CREB1: variants seen among roughly 807,000 people sequenced by gnomAD.
CREB1 encodes cyclic AMP-responsive element-binding protein 1.
In CREB1, 2 loss-of-function variants were observed where a neutral mutation model predicts 42.0. The observed-to-expected ratio is 0.05, with a 90% CI of 0.02 to 0.15. The LOEUF (loss-of-function observed/expected upper bound fraction) is 0.15, where lower values mean the gene tolerates loss of function less well. Among genes scored for constraint, CREB1 ranks in the 10% least tolerant of loss-of-function variants. CREB1 has a pLI of 1.00. For missense variants in CREB1, 199 were observed against 388.9 expected (o/e 0.51, Z 4.11); for synonymous variants, 123 against 139.9 (o/e 0.88, Z 0.85).
chr2:207,542,457 C>G (rs2106376792), intron 1 of CREB1, among the ~76,000 whole-genome samples: 1 of 152,162 alleles, frequency 6.6e-6, no homozygotes, highest in East Asian at 1.9e-4. Flanking sequence ...GCTGATTTGG[C>G]CATTTGTATA....
chr2:207,548,782 T>G lies in CREB1; in HGVS notation c.-8-6846T>G, dbSNP rs376703437. The stretch of plus-strand genomic sequence containing the variant: ...CTCCCCCGCTCCCCCCCAAAAAGAT[T>G]CCTTTTTGCTATTTATTGCCCTGTT... On this transcript the variant is annotated intron_variant, in intron 1 of 7. Transcript: ENST00000353267. 2.1e-4 allele frequency among the ~76,000 whole-genome samples: 32 copies of G among 152,158 alleles called. 1 individual carries two copies. In the East Asian group the frequency reaches 3.7e-3, roughly 18 times the overall value.
In CREB1 at chr2:207,602,797, A is replaced by C. The variant is rs1187960727; in HGVS notation, c.*5739A>C. 4.6e-6 allele frequency: 1 copy of C among 216,570 alleles called. No individual in the cohort carries two copies. Among genetic ancestry groups the C allele is most frequent in the Non-Finnish European group, 9.3e-6 (1 of 107,596 alleles). 13.4% of individuals were successfully genotyped at this position (216,570 alleles called of 1,614,324 possible). A position where few individuals can be genotyped will look rare whatever the true frequency, so the allele number is the denominator to read the frequency against. ...TTGTCAACATTTTTTTTGAGTATAG[A>C]TTTATTAGGGGTGGCAAAGAAGAGT... is the stretch of plus-strand genomic sequence containing the variant. On this transcript the variant is annotated 3_prime_UTR_variant, in exon 8 of 8. Transcript: ENST00000353267.
chr2:207,567,621 TAA>T (rs2082188687), intron 4 of CREB1, 58 bp downstream of exon 4: 1 of 1,212,450 alleles, frequency 8.2e-7, no homozygotes, highest in African/African-American at 1.5e-5. Flanking sequence ...TAGTTGCAGA[TAA>T]AGAGATGTCA....
chr2:207,581,661 G>C, intron 7 of CREB1: 1 of 461,616 alleles, frequency 2.2e-6, no homozygotes, highest in East Asian at 3.3e-5. Flanking sequence ...ACAGAGTTCC[G>C]GATACCCTTC....
Position 207,598,554 on chromosome 2 carries a change from T to C in CREB1, c.*1496T>C, listed in dbSNP as rs1446157613. The C allele has an allele frequency of 1.1e-5, 2 of 177,878 alleles. No individual in the cohort carries two copies. Among genetic ancestry groups the C allele is most frequent in the Non-Finnish European group, 2.4e-5 (2 of 83,034 alleles). The allele number at this position is 177,878 out of a possible 1,614,324, so 11.0% of individuals were successfully genotyped here. A position where few individuals can be genotyped will look rare whatever the true frequency, so the allele number is the denominator to read the frequency against. On this transcript the variant is annotated 3_prime_UTR_variant, in exon 8 of 8. Coordinates refer to ENST00000353267, the MANE Select transcript of CREB1 (RefSeq NM_004379.5). ...AACTGACATAATGTTAGGTTATAAT[T>C]TCTCATTTGGAGCCGGGCGCAGTGG...
chr2:207,594,174 T>C (rs941239683), intron 7 of CREB1, among the ~76,000 whole-genome samples: 2 of 152,238 alleles, frequency 1.3e-5, no homozygotes, highest in African/African-American at 4.8e-5. Context: ...AGAATAATTT[T>C]TAATTATTTT....
chr2:207,566,152 A>G (rs989829716), intron 3 of CREB1, among the ~76,000 whole-genome samples: 3 of 152,198 alleles, frequency 2.0e-5, no homozygotes, highest in Admixed American at 1.3e-4. Context: ...ATATTTTACT[A>G]CAAGTTACTA....
At chr2:207,576,533 A>T (rs959679229) in intron 6 of CREB1, 1 of 379,368 alleles carries the variant, frequency 2.6e-6, no homozygotes, top group African/African-American at 2.1e-5. Context: ...AAAGAGCCCT[A>T]ATGTTTACAG....
intron 1 of CREB1, among the ~76,000 whole-genome samples, chr2:207,545,972 T>G (rs1269802107): frequency 6.6e-6 from 1 of 152,158 alleles, no homozygotes; most frequent in African/African-American, 2.4e-5. Context: ...CGACCTCAGG[T>G]GATCTGCCCG....
intron 1 of CREB1, among the ~76,000 whole-genome samples, chr2:207,539,044 C>CTT (rs66502070): frequency 0.029 from 4,101 of 140,394 alleles, 187 homozygotes; most frequent in East Asian, 0.19. Context: ...TATTTGTACT[C>CTT]TTTTTTTTTT....
chr2:207,597,188 T>G lies in CREB1; in HGVS notation c.*130T>G. The G allele has an allele frequency of 2.1e-6, 2 of 965,204 alleles. No homozygotes were observed. Among genetic ancestry groups the G allele is most frequent in the Non-Finnish European group, 2.9e-6 (2 of 685,270 alleles). 59.8% of individuals were successfully genotyped at this position (965,204 alleles called of 1,614,324 possible). The stretch of plus-strand genomic sequence containing the variant: ...ATGCGCAAAACTGCCTGAAAGCAAC[T>G]ACAGAATTTCATTCATTTGTGCTTT... On this transcript the variant is annotated 3_prime_UTR_variant, in exon 8 of 8. Coordinates refer to ENST00000353267, the MANE Select transcript of CREB1 (RefSeq NM_004379.5).
At chr2:207,566,311 T>G (rs576127256) in intron 3 of CREB1, among the ~76,000 whole-genome samples, 1 of 152,340 alleles carries the variant, frequency 6.6e-6, no homozygotes, top group African/African-American at 2.4e-5. Flanking sequence ...TTACTGCCAT[T>G]GCCATACGTT....
intron 5 of CREB1, chr2:207,571,880 C>A (rs2082379941): frequency 5.8e-6 from 2 of 346,810 alleles, no homozygotes; most frequent in Admixed American, 3.6e-5. Flanking sequence ...ACCAGCACCC[C>A]CATAGATGTT....
chr2:207,569,860 A>G (rs999386350), intron 4 of CREB1, among the ~76,000 whole-genome samples: 3 of 152,006 alleles, frequency 2.0e-5, no homozygotes, highest in Admixed American at 6.6e-5. Context: ...CCTGGCCAAC[A>G]TGGTGAAACC....
At chr2:207,576,241 C>CTTTTTTTTTTTTTTTTTT (rs35735523) in intron 6 of CREB1, among the ~76,000 whole-genome samples, 1 of 101,078 alleles carries the variant, frequency 9.9e-6, no homozygotes. Flanking sequence ...CTTTTTTTGG[C>CTTTTTTTTTTTTTTTTTT]TTTTTTTTTT....
rs577983521 is a variant in CREB1 at position 207,536,960 on chromosome 2, A to T, written c.-9+6826A>T. 4.0e-5 allele frequency among the ~76,000 whole-genome samples: 6 copies of T among 151,874 alleles called. No homozygotes were observed. The South Asian group carries it at 1.2e-3, about 32-fold the overall frequency. On this transcript the variant is annotated intron_variant, in intron 1 of 7. Transcript: ENST00000353267. ...AGCCAGTATCACCCCACTGAACTCCACTCTGGGTGACAGAGCAAGATGCCA... is the reference window on the plus strand; with the variant it reads ...AGCCAGTATCACCCCACTGAACTCCTCTCTGGGTGACAGAGCAAGATGCCA...
intron 1 of CREB1, among the ~76,000 whole-genome samples, chr2:207,538,987 T>C (rs574199500): frequency 5.3e-5 from 8 of 152,014 alleles, no homozygotes; most frequent in Non-Finnish European, 1.0e-4. Context: ...GACACAGAAA[T>C]ACCTTGTTTT....
intron 1 of CREB1, among the ~76,000 whole-genome samples, chr2:207,530,858 T>TC (rs1301619847): frequency 4.7e-5 from 7 of 150,224 alleles, no homozygotes; most frequent in East Asian, 2.0e-4. Context: ...TCGTGCCCTT[T>TC]CCCCCCCGCT....
intron 7 of CREB1, among the ~76,000 whole-genome samples, chr2:207,590,902 C>T (rs1168952448): frequency 6.6e-6 from 1 of 152,102 alleles, no homozygotes; most frequent in Non-Finnish European, 1.5e-5. Context: ...AGCTGTGTCC[C>T]ACAAATTTTG....
Sources: gnomAD v4.1 joint callset for allele counts (sites outside exome capture counted in the v4.1 genomes callset) on GRCh38, gnomAD v4.1.1 for gene constraint, MANE v1.5 for transcripts, NCBI Gene and HGNC (gene_info 2026-07-23, HGNC 2026-07-21) for gene names.